The following EIF2AK2 variants were observed in gnomAD, a reference collection of about 807,000 sequenced individuals.
EIF2AK2 encodes eukaryotic translation initiation factor 2 alpha kinase 2.
A neutral mutation model predicts 70.5 loss-of-function variants in EIF2AK2; 40 were observed. The ratio of observed to expected loss-of-function variants is 0.57; its 90% CI spans 0.44 to 0.74. The LOEUF (loss-of-function observed/expected upper bound fraction) is 0.74. Among genes scored for constraint, EIF2AK2 ranks in the 30% least tolerant of loss-of-function variants. The pLI is 0.00. For missense variants in EIF2AK2, 555 were observed against 644.3 expected (o/e 0.86, Z 1.50); for synonymous variants, 198 against 220.9 (o/e 0.90, Z 0.92).
chr2:37,138,221 C>T (rs764133002), intron 8 of EIF2AK2, 49 bp downstream of exon 8: 19 of 1,396,552 alleles, frequency 1.4e-5, no homozygotes, highest in East Asian at 2.3e-5. Context: ...AATGAGGAAA[C>T]GCACAGAAAA....
rs767957226 is a variant in EIF2AK2 at position 37,114,775 on chromosome 2, G to A, written c.1333C>T (p.Arg445Ter). 8.1e-6 allele frequency: 13 copies of A among 1,602,606 alleles called. No homozygotes were observed. Among genetic ancestry groups the A allele is most frequent in the East Asian group, 2.3e-5 (1 of 44,240 alleles). The stretch of plus-strand genomic sequence containing the variant: ...CGCAAAGTTCCCTTACTCCTTGTTC[G>A]CTTTCCATCATTTTTCAGAGATGTT... Reference protein sequence around the residue: ...LVTSLKNDGKRTRSKGTLRYM... With the variant: ...LVTSLKNDGK The change falls in exon 14 of 17, where the codon CGA (arginine) becomes TGA (stop). Residue 445 changes from arginine to a stop codon, truncating the protein, a stop_gained. Coordinates refer to ENST00000233057, the MANE Select transcript of EIF2AK2 (RefSeq NM_001135651.3). LOFTEE classifies it high-confidence loss of function.
intron 13 of EIF2AK2, among the ~76,000 whole-genome samples, 169 bp from the exon 14 acceptor site, chr2:37,115,028 G>T (rs1055728800): frequency 6.6e-6 from 1 of 150,572 alleles, no homozygotes; most frequent in African/African-American, 2.4e-5. Context: ...AATGCCAGCT[G>T]AAAGAAGTCA....
At chr2:37,132,746 C>G (rs148751613) in intron 10 of EIF2AK2, among the ~76,000 whole-genome samples, 489 of 152,310 alleles carry the variant, frequency 3.2e-3, no homozygotes, top group Non-Finnish European at 5.2e-3. Flanking sequence ...GCTCTATTTG[C>G]CAGAAAGCTT....
At chr2:37,150,466 G>C (rs1343605463) in intron 1 of EIF2AK2, among the ~76,000 whole-genome samples, 3 of 151,846 alleles carry the variant, frequency 2.0e-5, no homozygotes, top group East Asian at 3.9e-4. Context: ...CTGACCTTAA[G>C]AGTTTTAATA....
At chr2:37,121,156 A>G (rs371846980) in intron 12 of EIF2AK2, among the ~76,000 whole-genome samples, 4 of 145,086 alleles carry the variant, frequency 2.8e-5, no homozygotes, top group Admixed American at 2.2e-4. Flanking sequence ...CCAGCTACTC[A>G]GGAGACTGAG....
chr2:37,133,767 C>T (rs1187391800), intron 10 of EIF2AK2, among the ~76,000 whole-genome samples: 2 of 152,210 alleles, frequency 1.3e-5, no homozygotes, highest in Admixed American at 6.5e-5. Context: ...TCCTAACTAG[C>T]CTTGTTACAG....
rs1127906 is a variant in EIF2AK2, at chr2:37,100,101, A to C, written c.*7172T>G. The C allele has an allele frequency of 6.6e-6, 1 of 151,990 alleles. No homozygotes were observed. Among genetic ancestry groups the C allele is most frequent in the African/African-American group, 2.4e-5 (1 of 41,358 alleles). The allele number at this position is 151,990 out of a possible 1,614,324, so 9.4% of individuals were successfully genotyped here. A position where few individuals can be genotyped will look rare whatever the true frequency, so the allele number is the denominator to read the frequency against. ...ATTGTATACTGTATAGGTGAATTGT[A>C]TGGCATGTGAATTATATCTCAATAA... On this transcript the variant is annotated 3_prime_UTR_variant, in exon 17 of 17. Transcript: ENST00000233057.
At chr2:37,117,971 A>G (rs905178830) in intron 13 of EIF2AK2, among the ~76,000 whole-genome samples, 1 of 152,214 alleles carries the variant, frequency 6.6e-6, no homozygotes, top group Non-Finnish European at 1.5e-5. Flanking sequence ...CAACTGTAGT[A>G]GTGAGAGCCT....
At position 37,102,057 on chromosome 2, in the gene EIF2AK2, C is replaced by G. The variant is rs940933192; in HGVS notation, c.*5216G>C. The G allele has an allele frequency of 1.3e-5, 2 of 152,188 alleles. No individual in the cohort carries two copies. Among genetic ancestry groups the G allele is most frequent in the Admixed American group, 6.6e-5 (1 of 15,254 alleles). The allele number at this position is 152,188 out of a possible 1,614,324, so 9.4% of individuals were successfully genotyped here. A position where few individuals can be genotyped will look rare whatever the true frequency, so the allele number is the denominator to read the frequency against. On this transcript the variant is annotated 3_prime_UTR_variant, in exon 17 of 17. Transcript: ENST00000233057. ...GAGTTTGAGACCAGCCTGGGAAACA[C>G]AGCAAGACCATATTTCTACAAAAAA...
At chr2:37,141,085 C>T (rs1181797068) in intron 5 of EIF2AK2, among the ~76,000 whole-genome samples, 1 of 152,200 alleles carries the variant, frequency 6.6e-6, no homozygotes, top group Non-Finnish European at 1.5e-5. Flanking sequence ...AGGGCTAAAG[C>T]TCATTCCTTC....
chr2:37,141,059 G>A (rs368319361), intron 5 of EIF2AK2, among the ~76,000 whole-genome samples: 2 of 152,000 alleles, frequency 1.3e-5, no homozygotes, highest in South Asian at 2.1e-4. Context: ...CTCAAATCCC[G>A]GTCTCCTCAT....
intron 11 of EIF2AK2, among the ~76,000 whole-genome samples, chr2:37,123,384 A>G (rs1674622432): frequency 1.3e-5 from 2 of 151,978 alleles, no homozygotes; most frequent in Non-Finnish European, 2.9e-5. Flanking sequence ...CTCCCACCTC[A>G]GTCTCCTGAG....
chr2:37,145,294 C>A (rs976467026), intron 4 of EIF2AK2, among the ~76,000 whole-genome samples: 1 of 151,946 alleles, frequency 6.6e-6, no homozygotes, highest in Non-Finnish European at 1.5e-5. Context: ...AGGTGCCCAC[C>A]ACCATGCCCG....
chr2:37,138,592 G>GA lies in EIF2AK2; in HGVS notation c.517-8dup. 3 of 1,613,550 alleles carry GA rather than the reference G, an allele frequency of 1.9e-6. No individual in the cohort carries two copies. The highest frequency in any genetic ancestry group is 2.5e-6 in the Non-Finnish European group (3 of 1,179,738). ...AGGACAGGTAGTCAGATTTCTGAAA[G>GA]AAAAAGTATCCCTTAGTAGGCTTAA... is the stretch of plus-strand genomic sequence containing the variant. On this transcript the variant is annotated splice_polypyrimidine_tract_variant and splice_region_variant and intron_variant, in intron 6 of 16. Coordinates refer to ENST00000233057, the MANE Select transcript of EIF2AK2 (RefSeq NM_001135651.3).
intron 13 of EIF2AK2, among the ~76,000 whole-genome samples, chr2:37,118,145 C>CAAA (rs759888634): frequency 3.5e-5 from 5 of 141,596 alleles, no homozygotes; most frequent in Non-Finnish European, 6.2e-5. Flanking sequence ...CCTGTCTCTA[C>CAAA]AAAAAAAAAA....
chr2:37,099,687 C>T lies in EIF2AK2; in HGVS notation c.*7586G>A, dbSNP rs891923862. The stretch of plus-strand genomic sequence containing the variant: ...CATCCAAGAGAAATGAAAACAAGTC[C>T]ACATAAGATTTGTACACAAAAGTTC... On this transcript the variant is annotated 3_prime_UTR_variant, in exon 17 of 17. Coordinates refer to ENST00000233057, the MANE Select transcript of EIF2AK2 (RefSeq NM_001135651.3). The T allele has an allele frequency of 2.6e-5, 4 of 152,090 alleles. No individual in the cohort carries two copies. Among genetic ancestry groups the T allele is most frequent in the Non-Finnish European group, 5.9e-5 (4 of 68,028 alleles). 9.4% of individuals were successfully genotyped at this position (152,090 alleles called of 1,614,324 possible).
chr2:37,119,010 A>G (rs1674441185), intron 13 of EIF2AK2, among the ~76,000 whole-genome samples: 2 of 152,174 alleles, frequency 1.3e-5, no homozygotes, highest in Non-Finnish European at 2.9e-5. Context: ...GGCAGGCAGA[A>G]GAGTGTCCCA....
At chr2:37,154,240 G>A (rs1355374909) in intron 1 of EIF2AK2, among the ~76,000 whole-genome samples, 5 of 151,878 alleles carry the variant, frequency 3.3e-5, no homozygotes, top group African/African-American at 9.7e-5. Flanking sequence ...AAGGAGAATC[G>A]CTTGAACCCA....
intron 14 of EIF2AK2, among the ~76,000 whole-genome samples, chr2:37,110,603 C>T (rs977323346): frequency 6.6e-6 from 1 of 152,148 alleles, no homozygotes; most frequent in African/African-American, 2.4e-5. Context: ...AAAGTACATG[C>T]CTTCTCCATT....
Sources: allele counts gnomAD v4.1 joint callset (sites outside exome capture counted in the v4.1 genomes callset), GRCh38; gene constraint gnomAD v4.1.1; transcripts MANE v1.5; gene names NCBI Gene and HGNC (gene_info 2026-07-23, HGNC 2026-07-21).